PBX4: variants seen among roughly 807,000 people sequenced by gnomAD.
PBX4 encodes the protein PBX homeobox 4, also known as pre-B-cell leukemia transcription factor 4.
A neutral mutation model predicts 35.1 loss-of-function variants in PBX4; 26 were observed. That is an observed-to-expected ratio of 0.74 (90% CI 0.54 to 1.03). The LOEUF (loss-of-function observed/expected upper bound fraction) is 1.03, where lower values mean the gene tolerates loss of function less well. PBX4 is among the 50% of genes least tolerant of loss of function. The pLI is 0.00. For synonymous variants in PBX4, 199 were observed against 204.2 expected (o/e 0.97, Z 0.22); for missense variants, 448 against 504.3 (o/e 0.89, Z 1.07).
chr19:19,612,767 A>C (rs1361283221), intron 1 of PBX4, among the ~76,000 whole-genome samples: 1 of 152,150 alleles, frequency 6.6e-6, no homozygotes, highest in Admixed American at 6.6e-5. Context: ...AGAGGCCAGA[A>C]ACCAGGAACC....
chr19:19,570,343 G>A lies in PBX4; in HGVS notation c.442-44C>T, dbSNP rs1201613987. On this transcript the variant is annotated intron_variant, in intron 3 of 7. Coordinates refer to ENST00000251203, the MANE Select transcript of PBX4 (RefSeq NM_025245.3). ...CACGCCGGCCTGTGACTAGGCAGCA[G>A]GGTGGCACAGGGCAGCAGGTTCCAC... 2.6e-6 allele frequency: 4 copies of A among 1,557,934 alleles called. No individual in the cohort carries two copies. In the South Asian group the frequency reaches 4.9e-5, roughly 19 times the overall value.
Position 19,618,551 on chromosome 19 carries a change from T to C in PBX4, c.79A>G (p.Met27Val). The C allele has an allele frequency of 1.4e-6, 2 of 1,451,686 alleles. No homozygotes were observed. Among genetic ancestry groups the C allele is most frequent in the South Asian group, 1.5e-5 (1 of 68,858 alleles). 89.9% of individuals were successfully genotyped at this position (1,451,686 alleles called of 1,614,324 possible). ...LDTSDVLQQI[M>V]AITDQSLDEA... ...TCCAGGCTCTGGTCGGTGATGGCCA[T>C]GATCTGCTGCAGGACGTCGCTCGTG... The change falls in exon 1 of 8, where the codon ATG becomes GTG. Residue 27 changes from methionine to valine, a missense_variant. Transcript: ENST00000251203.
chr19:19,573,497 A>C (rs2061400001), intron 2 of PBX4, among the ~76,000 whole-genome samples: 1 of 152,160 alleles, frequency 6.6e-6, no homozygotes, highest in Admixed American at 6.6e-5. Flanking sequence ...TCAAGGTAGA[A>C]TAGATGGCGG....
intron 2 of PBX4, among the ~76,000 whole-genome samples, chr19:19,571,271 G>A (rs1196152968): frequency 6.6e-6 from 1 of 152,228 alleles, no homozygotes; most frequent in African/African-American, 2.4e-5. Context: ...CCTGGGCCCA[G>A]GACTGTGCAG....
In PBX4 at chr19:19,562,625, A is replaced by T. The variant is rs1191435294; in HGVS notation, c.1033-508T>A. 6.6e-6 allele frequency among the ~76,000 whole-genome samples: 1 copy of T among 152,100 alleles called. No individual in the cohort carries two copies. The highest frequency in any genetic ancestry group is 2.4e-5 in the African/African-American group (1 of 41,426). The stretch of plus-strand genomic sequence containing the variant: ...CGGCATCACGTCCAACGGCGCTAAG[A>T]CGTTTGTCCACAGGACCCACCCCCA... On this transcript the variant is annotated intron_variant, in intron 7 of 7. Coordinates refer to ENST00000251203, the MANE Select transcript of PBX4 (RefSeq NM_025245.3). The surrounding 1 kb of genome is among the most constrained non-coding windows in gnomAD (Gnocchi z 4.8).
At chr19:19,575,263 G>C (rs1600406546) in intron 2 of PBX4, among the ~76,000 whole-genome samples, 1 of 135,258 alleles carries the variant, frequency 7.4e-6, no homozygotes, top group Non-Finnish European at 1.6e-5. Flanking sequence ...AGCTCCAGCT[G>C]TCTGTTTTAG....
intron 2 of PBX4, among the ~76,000 whole-genome samples, chr19:19,579,539 G>A (rs1468626928): frequency 6.6e-6 from 1 of 152,224 alleles, no homozygotes; most frequent in Non-Finnish European, 1.5e-5. Flanking sequence ...CCACTCAGCA[G>A]TGCTCTCACT....
At chr19:19,614,036 C>T (rs1172674938) in intron 1 of PBX4, among the ~76,000 whole-genome samples, 2 of 152,124 alleles carry the variant, frequency 1.3e-5, no homozygotes, top group African/African-American at 4.8e-5. Flanking sequence ...TGGTACAATG[C>T]TCCAAAAAGA....
At chr19:19,575,555 A>G (rs2061414624) in intron 2 of PBX4, among the ~76,000 whole-genome samples, 1 of 152,008 alleles carries the variant, frequency 6.6e-6, no homozygotes, top group African/African-American at 2.4e-5. Flanking sequence ...TGCCTCAACA[A>G]TCAACTTTCC....
chr19:19,587,434 A>G (rs1179313562), intron 2 of PBX4, among the ~76,000 whole-genome samples: 1 of 151,250 alleles, frequency 6.6e-6, no homozygotes, highest in African/African-American at 2.4e-5. Context: ...CTAAAAATAC[A>G]AAAATTAGCC....
intron 1 of PBX4, among the ~76,000 whole-genome samples, chr19:19,603,967 A>AG (rs1183086560): frequency 2.0e-5 from 3 of 151,744 alleles, no homozygotes; most frequent in African/African-American, 7.3e-5. Flanking sequence ...AAAAAAAAAA[A>AG]AAGAATAGGG....
chr19:19,590,212 G>A (rs997654333), intron 2 of PBX4, among the ~76,000 whole-genome samples: 2 of 152,128 alleles, frequency 1.3e-5, no homozygotes, highest in African/African-American at 4.8e-5. Flanking sequence ...GTCTCTATGA[G>A]CAGTCACTCT....
At chr19:19,583,212 G>C (rs924651121) in intron 2 of PBX4, among the ~76,000 whole-genome samples, 1 of 152,184 alleles carries the variant, frequency 6.6e-6, no homozygotes, top group Non-Finnish European at 1.5e-5. Context: ...CTGGGAGGTG[G>C]AGCTTGCAGT....
At chr19:19,585,220 G>A (rs1025661909) in intron 2 of PBX4, among the ~76,000 whole-genome samples, 1 of 151,954 alleles carries the variant, frequency 6.6e-6, no homozygotes, top group Non-Finnish European at 1.5e-5. Context: ...AGCTACTTGG[G>A]GGGCTGAGGC....
chr19:19,613,682 C>T (rs183464883), intron 1 of PBX4, among the ~76,000 whole-genome samples: 29 of 152,230 alleles, frequency 1.9e-4, no homozygotes, highest in Admixed American at 1.4e-3. Flanking sequence ...TCTGCCTCTG[C>T]GGTGACATTC....
intron 2 of PBX4, among the ~76,000 whole-genome samples, chr19:19,596,853 G>A (rs1328213293): frequency 2.7e-5 from 4 of 150,786 alleles, no homozygotes; most frequent in African/African-American, 7.3e-5. Flanking sequence ...GGAGGCTGAA[G>A]TGAGCCAAGA....
chr19:19,607,874 A>G (rs2061640357), intron 1 of PBX4, among the ~76,000 whole-genome samples: 1 of 152,220 alleles, frequency 6.6e-6, no homozygotes, highest in South Asian at 2.1e-4. Flanking sequence ...ACTACTTGAA[A>G]AAGTCTTCCT....
chr19:19,599,425 G>T, intron 1 of PBX4, 60 bp from the exon 2 acceptor site: 1 of 1,431,410 alleles, frequency 7.0e-7, no homozygotes, highest in Non-Finnish European at 9.8e-7. Flanking sequence ...TTGTCCCCAA[G>T]AGTAAAGATC....
chr19:19,590,018 C>G (rs897725962), intron 2 of PBX4, among the ~76,000 whole-genome samples: 1 of 152,172 alleles, frequency 6.6e-6, no homozygotes, highest in African/African-American at 2.4e-5. Flanking sequence ...GCTACAGGCA[C>G]ACTGTTTTAG....
Sources: gnomAD v4.1 joint callset for allele counts (sites outside exome capture counted in the v4.1 genomes callset) on GRCh38, gnomAD v4.1.1 for gene constraint, Gnocchi (gnomAD v3.1) non-coding constraint, MANE v1.5 for transcripts, NCBI Gene and HGNC (gene_info 2026-07-23, HGNC 2026-07-21) for gene names.